Variants in SNAP29 observed in about 807,000 individuals in gnomAD.
SNAP29 encodes the protein synaptosome associated protein 29.
In SNAP29, 13 loss-of-function variants were observed where a neutral mutation model predicts 27.9. The ratio of observed to expected loss-of-function variants is 0.47; its 90% CI spans 0.30 to 0.74. SNAP29 has a LOEUF of 0.74. SNAP29 is among the 30% of genes least tolerant of loss of function. The pLI is 0.06. For synonymous variants in SNAP29, 119 were observed against 127.1 expected (o/e 0.94, Z 0.43); for missense variants, 368 against 336.5 (o/e 1.09, Z -0.73).
intron 2 of SNAP29, among the ~76,000 whole-genome samples, chr22:20,878,097 C>A (rs543796838): frequency 6.6e-6 from 1 of 152,340 alleles, no homozygotes; most frequent in South Asian, 2.1e-4. Context: ...TCTGGACTTG[C>A]TCTTGCAAGT....
chr22:20,886,730 G>A (rs1021494802), intron 4 of SNAP29, among the ~76,000 whole-genome samples: 17 of 152,018 alleles, frequency 1.1e-4, no homozygotes. Flanking sequence ...TCTTGCCTCA[G>A]CCTCCCGAGT....
intron 2 of SNAP29, among the ~76,000 whole-genome samples, chr22:20,873,915 G>A (rs936665103): frequency 1.4e-5 from 2 of 142,746 alleles, no homozygotes; most frequent in South Asian, 2.3e-4. Flanking sequence ...TGTAGTGAGC[G>A]GAGATTGCAC....
chr22:20,866,049 G>A (rs796306708), intron 1 of SNAP29, among the ~76,000 whole-genome samples: 15 of 152,340 alleles, frequency 9.8e-5, no homozygotes, highest in African/African-American at 3.6e-4. Context: ...ACTTGAGCAA[G>A]GACACTCTTA....
Position 20,883,704 on chromosome 22 carries a change from A to G in SNAP29, c.619+135A>G, listed in dbSNP as rs1448081417. ...TCACATCCCACGCCAAGCTGGGTCC[A>G]TCTTGCCACCTCACTGTCTCTGGAA... On this transcript the variant is annotated intron_variant, in intron 4 of 4. Transcript: ENST00000215730. 2.1e-5 allele frequency: 15 copies of G among 719,372 alleles called. No individual in the cohort carries two copies. The East Asian group carries it at 3.4e-4, about 16-fold the overall frequency. 44.6% of individuals were successfully genotyped at this position (719,372 alleles called of 1,614,324 possible).
intron 3 of SNAP29, among the ~76,000 whole-genome samples, chr22:20,881,598 T>C (rs983394721): frequency 1.8e-4 from 27 of 152,140 alleles, no homozygotes; most frequent in African/African-American, 6.3e-4. Context: ...TCCAAGCTAC[T>C]TGGGAGGCTT....
intron 2 of SNAP29, among the ~76,000 whole-genome samples, chr22:20,880,013 A>AAACAAC (rs361532): frequency 2.4e-4 from 36 of 149,908 alleles, no homozygotes; most frequent in Non-Finnish European, 3.4e-4. Context: ...ACCCTATCTC[A>AAACAAC]AACAACAACA....
chr22:20,864,743 A>T (rs1928418048), intron 1 of SNAP29, among the ~76,000 whole-genome samples: 1 of 152,216 alleles, frequency 6.6e-6, no homozygotes, highest in Non-Finnish European at 1.5e-5. Flanking sequence ...TTCTCAGCAC[A>T]ATGTCCTTAA....
intron 1 of SNAP29, among the ~76,000 whole-genome samples, chr22:20,863,779 C>T (rs1928391625): frequency 6.6e-6 from 1 of 152,104 alleles, no homozygotes; most frequent in African/African-American, 2.4e-5. Context: ...CCCTATCATC[C>T]CTCTGCCCCT....
rs901120462 is a variant in SNAP29, at chr22:20,890,141, C to G, written c.*2305C>G. On this transcript the variant is annotated 3_prime_UTR_variant, in exon 5 of 5. Coordinates refer to ENST00000215730, the MANE Select transcript of SNAP29 (RefSeq NM_004782.4). ...GCTGGTCCTTTCTGCCACTTCTTCCCCACTCCCATGCCCAGGAAGGCCTGG... is the reference window on the plus strand; with the variant it reads ...GCTGGTCCTTTCTGCCACTTCTTCCGCACTCCCATGCCCAGGAAGGCCTGG... The G allele has an allele frequency of 2.5e-6, 1 of 396,574 alleles. No individual in the cohort carries two copies. The highest frequency in any genetic ancestry group is 4.4e-6 in the Non-Finnish European group (1 of 225,344). 24.6% of individuals were successfully genotyped at this position (396,574 alleles called of 1,614,324 possible).
chr22:20,890,562 C>G lies in SNAP29; in HGVS notation c.*2726C>G, dbSNP rs1929125709. On this transcript the variant is annotated 3_prime_UTR_variant, in exon 5 of 5. Coordinates refer to ENST00000215730, the MANE Select transcript of SNAP29 (RefSeq NM_004782.4). ...CACGAGGTCAGGAGATCGAGACCAT[C>G]CTGGCTAACACGGTGAAACCCCATC... is the stretch of plus-strand genomic sequence containing the variant. The G allele has an allele frequency of 1.4e-5, 5 of 350,858 alleles. No individual in the cohort carries two copies. In the East Asian group the frequency reaches 2.1e-4, roughly 15 times the overall value. The allele number at this position is 350,858 out of a possible 1,614,324, so 21.7% of individuals were successfully genotyped here.
intron 2 of SNAP29, among the ~76,000 whole-genome samples, chr22:20,876,094 G>A (rs1331503241): frequency 2.0e-5 from 3 of 151,454 alleles, no homozygotes; most frequent in African/African-American, 7.3e-5. Flanking sequence ...CCGGGAGGTG[G>A]AGGTTGCAGT....
In SNAP29 at chr22:20,889,961, A is replaced by G. The variant is rs1261530585; in HGVS notation, c.*2125A>G. On this transcript the variant is annotated 3_prime_UTR_variant, in exon 5 of 5. Coordinates refer to ENST00000215730, the MANE Select transcript of SNAP29 (RefSeq NM_004782.4). ...TCTGTTTTTTGGTTTTTTTTTTCTT[A>G]ACCCCAGGTATATGGAAGGGGAGTT... 3.7e-6 allele frequency: 1 copy of G among 268,686 alleles called. No homozygotes were observed. Among genetic ancestry groups the G allele is most frequent in the Non-Finnish European group, 6.9e-6 (1 of 144,790 alleles). The allele number at this position is 268,686 out of a possible 1,614,324, so 16.6% of individuals were successfully genotyped here.
intron 1 of SNAP29, among the ~76,000 whole-genome samples, chr22:20,862,965 T>C (rs1928362288): frequency 6.6e-6 from 1 of 152,164 alleles, no homozygotes; most frequent in Non-Finnish European, 1.5e-5. Flanking sequence ...CTTGGCTCAC[T>C]GCAGCCTCTG....
intron 2 of SNAP29, among the ~76,000 whole-genome samples, chr22:20,874,378 C>CAA (rs1288243723): frequency 7.3e-6 from 1 of 137,250 alleles, no homozygotes; most frequent in African/African-American, 2.7e-5. Context: ...CACACACACA[C>CAA]ACACACACAC....
At chr22:20,883,398 G>C (rs1928933746) in intron 3 of SNAP29, 73 bp from the exon 4 acceptor site, 1 of 991,324 alleles carries the variant, frequency 1.0e-6, no homozygotes, top group East Asian at 2.4e-5. Context: ...AGATGAAATT[G>C]TTTTGGGTGT....
chr22:20,885,403 C>T (rs918432192), intron 4 of SNAP29, among the ~76,000 whole-genome samples: 3 of 152,090 alleles, frequency 2.0e-5, no homozygotes, highest in African/African-American at 7.2e-5. Flanking sequence ...CTGGGAAGCC[C>T]CAGACAGCTG....
Position 20,874,352 on chromosome 22 carries a change from CACACACACACACACACA to C in SNAP29, c.434+3820_434+3836del, listed in dbSNP as rs1928683182. Reference sequence around the variant, plus strand: ...CACACACACACACGAAAATTAGCCACACACACACACACACACACACACACACACACACACACACACAC... The same window carrying C: ...CACACACACACACGAAAATTAGCCACCACACACACACACACACACACACAC... On this transcript the variant is annotated intron_variant, in intron 2 of 4. Coordinates refer to ENST00000215730, the MANE Select transcript of SNAP29 (RefSeq NM_004782.4). Among the ~76,000 whole-genome samples the C allele has an allele frequency of 1.8e-3, 95 of 53,686 alleles. 2 individuals carry two copies. The highest frequency in any genetic ancestry group is 2.7e-3 in the Admixed American group (10 of 3,766). The allele number at this position is 53,686 out of a possible 152,430, so 35.2% of individuals were successfully genotyped here. A position where few individuals can be genotyped will look rare whatever the true frequency, so the allele number is the denominator to read the frequency against.
chr22:20,872,775 A>G (rs1491000820), intron 2 of SNAP29, among the ~76,000 whole-genome samples: 1 of 130,268 alleles, frequency 7.7e-6, no homozygotes, highest in Non-Finnish European at 1.6e-5. Context: ...ACCTCAGGTG[A>G]TCCACCTGCC....
rs1363084148 is a variant in SNAP29, at chr22:20,889,545, G to A, written c.*1709G>A. On this transcript the variant is annotated 3_prime_UTR_variant, in exon 5 of 5. Coordinates refer to ENST00000215730, the MANE Select transcript of SNAP29 (RefSeq NM_004782.4). ...TATTTTCTCAATAACTGGTAGAAGGGAAATTTTAAACATAACACTCAACCC... is the reference window on the plus strand; with the variant it reads ...TATTTTCTCAATAACTGGTAGAAGGAAAATTTTAAACATAACACTCAACCC... 6.6e-6 allele frequency: 1 copy of A among 152,176 alleles called. No homozygotes were observed. Among genetic ancestry groups the A allele is most frequent in the Non-Finnish European group, 1.5e-5 (1 of 68,042 alleles). 9.4% of individuals were successfully genotyped at this position (152,176 alleles called of 1,614,324 possible).
Sources: allele counts gnomAD v4.1 joint callset (sites outside exome capture counted in the v4.1 genomes callset), GRCh38; gene constraint gnomAD v4.1.1; transcripts MANE v1.5; gene names NCBI Gene and HGNC (gene_info 2026-07-23, HGNC 2026-07-21).